PRKG1: variants seen among roughly 807,000 people sequenced by gnomAD.
PRKG1 encodes protein kinase cGMP-dependent 1.
Under a neutral mutation model 88.1 loss-of-function variants are expected in PRKG1, and 35 were observed. The ratio of observed to expected loss-of-function variants is 0.40; its 90% confidence interval spans 0.30 to 0.53. The LOEUF is 0.53. Among genes scored for constraint, PRKG1 ranks in the 20% least tolerant of loss-of-function variants. PRKG1 has a pLI of 0.59. For synonymous variants in PRKG1, 303 were observed against 292.5 expected, an observed-to-expected ratio of 1.04 and a Z score of -0.37; for missense variants, 540 against 839.8, an observed-to-expected ratio of 0.64 and a Z score of 4.41.
intron 5 of PRKG1, among the ~76,000 whole-genome samples, chr10:52,010,493 A>C (rs1445400752): frequency 1.3e-5 from 2 of 152,192 alleles, no homozygotes; most frequent in African/African-American, 4.8e-5. Flanking sequence ...GGTGTTGAAA[A>C]ACTAACTGCT....
At chr10:51,103,870 A>G (rs1270359209) in intron 1 of PRKG1, among the ~76,000 whole-genome samples, 3 of 152,218 alleles carry the variant, frequency 2.0e-5, no homozygotes, top group Non-Finnish European at 2.9e-5. Context: ...AACAGAAATG[A>G]ACACAAAAAC....
At chr10:52,142,738 C>T (rs1164760277) in intron 8 of PRKG1, among the ~76,000 whole-genome samples, 2 of 152,110 alleles carry the variant, frequency 1.3e-5, no homozygotes, top group Admixed American at 6.6e-5. Context: ...AACATGTGGG[C>T]CCTTACTAGC....
At chr10:51,637,510 A>C (rs887742564) in intron 3 of PRKG1, among the ~76,000 whole-genome samples, 1 of 152,240 alleles carries the variant, frequency 6.6e-6, no homozygotes, top group African/African-American at 2.4e-5. Flanking sequence ...AAAGATGTAG[A>C]ATCAATGTAA....
chr10:51,380,240 T>C (rs1240298727), intron 2 of PRKG1, among the ~76,000 whole-genome samples: 1 of 152,210 alleles, frequency 6.6e-6, no homozygotes, highest in East Asian at 1.9e-4. Context: ...GCCTGCTTAC[T>C]CTAGTTTGCA....
chr10:52,272,620 C>T (rs1367693578), intron 12 of PRKG1, 139 bp downstream of exon 12: 32 of 671,222 alleles, frequency 4.8e-5, no homozygotes, highest in Non-Finnish European at 6.1e-5. Context: ...AAAGTAAGCA[C>T]AGGGCATAAC....
chr10:51,904,923 T>C (rs997089367), intron 4 of PRKG1, among the ~76,000 whole-genome samples: 1 of 152,114 alleles, frequency 6.6e-6, no homozygotes, highest in Non-Finnish European at 1.5e-5. Flanking sequence ...TGGCTAGGAA[T>C]AGCCAGAGCC....
intron 3 of PRKG1, among the ~76,000 whole-genome samples, chr10:51,558,699 A>G (rs1837377663): frequency 6.6e-6 from 1 of 152,132 alleles, no homozygotes; most frequent in African/African-American, 2.4e-5. Flanking sequence ...AAAAACAAGT[A>G]CTTGTTCCTA....
intron 7 of PRKG1, chr10:52,081,789 T>C (rs1452409486): frequency 1.0e-5 from 4 of 401,504 alleles, no homozygotes; most frequent in African/African-American, 8.4e-5. Flanking sequence ...ATGGTCCTCA[T>C]TGAGAAAGTG....
chr10:51,626,719 C>G (rs1839346192), intron 3 of PRKG1, among the ~76,000 whole-genome samples: 1 of 152,126 alleles, frequency 6.6e-6, no homozygotes, highest in Non-Finnish European at 1.5e-5. Flanking sequence ...ACCAACTCAG[C>G]TAAACCTGGT....
intron 5 of PRKG1, among the ~76,000 whole-genome samples, chr10:52,024,651 A>G (rs1845286254): frequency 1.3e-5 from 2 of 152,140 alleles, no homozygotes; most frequent in African/African-American, 4.8e-5. Flanking sequence ...CCTACAAAGG[A>G]CATGAACTCA....
chr10:51,034,577 T>C (rs1843326419), intron 1 of PRKG1, among the ~76,000 whole-genome samples: 1 of 149,950 alleles, frequency 6.7e-6, no homozygotes, highest in Non-Finnish European at 1.5e-5. Context: ...TTCTAATTGC[T>C]GTATACACTA....
At chr10:51,181,798 GA>G in intron 2 of PRKG1, among the ~76,000 whole-genome samples, 1 of 152,190 alleles carries the variant, frequency 6.6e-6, no homozygotes, top group Admixed American at 6.5e-5. Context: ...TATTAAAGGA[GA>G]ATTCGACACA....
At chr10:51,386,367 G>T (rs1002820074) in intron 2 of PRKG1, among the ~76,000 whole-genome samples, 1 of 152,086 alleles carries the variant, frequency 6.6e-6, no homozygotes, top group African/African-American at 2.4e-5. Flanking sequence ...ATCTGCAGTT[G>T]GCAAACTGGA....
intron 2 of PRKG1, among the ~76,000 whole-genome samples, chr10:51,374,655 C>A (rs1157047520): frequency 1.3e-5 from 2 of 152,144 alleles, no homozygotes; most frequent in Non-Finnish European, 2.9e-5. Flanking sequence ...AAGGTGCCAT[C>A]TTGGAAGCAG....
chr10:51,247,118 G>T (rs1208185660), intron 2 of PRKG1, among the ~76,000 whole-genome samples: 2 of 151,942 alleles, frequency 1.3e-5, no homozygotes, highest in African/African-American at 4.8e-5. Context: ...TTCTCACGTG[G>T]CTGGTAAGAC....
At chr10:52,278,197 A>C (rs1268114365) in intron 12 of PRKG1, among the ~76,000 whole-genome samples, 1 of 152,222 alleles carries the variant, frequency 6.6e-6, no homozygotes, top group Non-Finnish European at 1.5e-5. Flanking sequence ...TTATGCAGCC[A>C]ACAGACACAT....
intron 2 of PRKG1, among the ~76,000 whole-genome samples, chr10:51,252,734 G>T (rs947355754): frequency 6.6e-6 from 1 of 151,814 alleles, no homozygotes; most frequent in East Asian, 1.9e-4. Flanking sequence ...GCTTTATATT[G>T]AATAGTTCTG....
In PRKG1 at chr10:51,858,369, A is replaced by T. The variant is rs563853349; in HGVS notation, c.699-49138A>T. On this transcript the variant is annotated intron_variant, in intron 4 of 17. Coordinates refer to ENST00000373980, the MANE Select transcript of PRKG1 (RefSeq NM_006258.4). ...ATATAAAATATATATATTATATATA[A>T]TATATATAAAATATATATATAATAT... is the stretch of plus-strand genomic sequence containing the variant. Among the ~76,000 whole-genome samples, 19 of 27,530 alleles carry T rather than the reference A, an allele frequency of 6.9e-4. 4 individuals carry two copies. The highest frequency in any genetic ancestry group is 2.2e-3 in the Admixed American group (4 of 1,834). 18.1% of individuals were successfully genotyped at this position (27,530 alleles called of 152,430 possible).
chr10:52,019,340 T>C (rs1418921141), intron 5 of PRKG1, among the ~76,000 whole-genome samples: 1 of 152,138 alleles, frequency 6.6e-6, no homozygotes, highest in African/African-American at 2.4e-5. Flanking sequence ...GACTAGGAGA[T>C]GGTGTCATTA....
Sources: allele counts gnomAD v4.1 joint callset (sites outside exome capture counted in the v4.1 genomes callset), GRCh38; gene constraint gnomAD v4.1.1; transcripts MANE v1.5; gene names NCBI Gene and HGNC (gene_info 2026-07-23, HGNC 2026-07-21).